Variants in PPFIA2 observed in about 807,000 individuals in gnomAD.
The protein encoded by PPFIA2 is liprin-alpha-2.
In PPFIA2, 46 loss-of-function variants were observed where a neutral mutation model predicts 175.5. The ratio of observed to expected loss-of-function variants is 0.26; its 90% CI spans 0.21 to 0.34. PPFIA2 has a LOEUF of 0.34. Ranked by LOEUF, PPFIA2 falls within the 10% of genes least tolerant of loss-of-function variation. PPFIA2 has a pLI of 1.00. For synonymous variants in PPFIA2, 568 were observed against 511.4 expected, an observed-to-expected ratio of 1.11 and a Z score of -1.49; for missense variants, 1,179 against 1,506.1, an observed-to-expected ratio of 0.78 and a Z score of 3.60.
chr12:81,457,041 T>C (rs2145770809), intron 5 of PPFIA2, among the ~76,000 whole-genome samples: 1 of 152,124 alleles, frequency 6.6e-6, no homozygotes, highest in East Asian at 1.9e-4. Flanking sequence ...AGTCTCACTC[T>C]GTTGCCCAGG....
At chr12:81,353,421 C>A in intron 16 of PPFIA2, 82 bp from the exon 17 acceptor site, 2 of 979,526 alleles carry the variant, frequency 2.0e-6, no homozygotes, top group Non-Finnish European at 3.2e-6. Context: ...GCAACAACAA[C>A]AGGCATGCTT....
intron 8 of PPFIA2, among the ~76,000 whole-genome samples, chr12:81,403,164 C>A (rs1226577213): frequency 6.6e-6 from 1 of 151,986 alleles, no homozygotes; most frequent in Non-Finnish European, 1.5e-5. Context: ...TTAGTTACAC[C>A]AACACAAGAA....
chr12:81,651,091 T>C (rs1375000673), intron 4 of PPFIA2, among the ~76,000 whole-genome samples: 1 of 152,194 alleles, frequency 6.6e-6, no homozygotes, highest in African/African-American at 2.4e-5. Flanking sequence ...GTAGGAGATA[T>C]AATGTACTAA....
At chr12:81,262,716 T>C (rs2036015859) in intron 31 of PPFIA2, among the ~76,000 whole-genome samples, 1 of 152,218 alleles carries the variant, frequency 6.6e-6, no homozygotes, top group African/African-American at 2.4e-5. Flanking sequence ...ATTACTGTGT[T>C]TTGTGTTTCT....
intron 3 of PPFIA2, among the ~76,000 whole-genome samples, chr12:81,696,036 C>T (rs2075856041): frequency 6.6e-6 from 1 of 152,258 alleles, no homozygotes; most frequent in East Asian, 1.9e-4. Context: ...GGTATTAATA[C>T]AAGAGCTTTA....
At chr12:81,470,893 C>A (rs1457293034) in intron 4 of PPFIA2, among the ~76,000 whole-genome samples, 1 of 152,066 alleles carries the variant, frequency 6.6e-6, no homozygotes, top group Admixed American at 6.6e-5. Context: ...ACCCATTGAA[C>A]AACAGCTACC....
At chr12:81,639,331 C>T (rs7131730) in intron 4 of PPFIA2, among the ~76,000 whole-genome samples, 1 of 151,758 alleles carries the variant, frequency 6.6e-6, no homozygotes, top group African/African-American at 2.4e-5. Flanking sequence ...GCAAGAAAAA[C>T]AACATTTAGC....
At chr12:81,473,543 C>T (rs187083924) in intron 4 of PPFIA2, among the ~76,000 whole-genome samples, 3 of 152,290 alleles carry the variant, frequency 2.0e-5, no homozygotes, top group Admixed American at 1.3e-4. Flanking sequence ...ACACTCTGTA[C>T]TCCTTCGCCT....
At chr12:81,602,755 C>G (rs1057093801) in intron 4 of PPFIA2, among the ~76,000 whole-genome samples, 1 of 151,736 alleles carries the variant, frequency 6.6e-6, no homozygotes, top group African/African-American at 2.4e-5. Context: ...AACATACACT[C>G]TGAAAGAGAA....
At chr12:81,399,618 C>G (rs2041796044) in intron 8 of PPFIA2, among the ~76,000 whole-genome samples, 1 of 152,090 alleles carries the variant, frequency 6.6e-6, no homozygotes, top group Non-Finnish European at 1.5e-5. Flanking sequence ...AAGATCCTAA[C>G]CTTACTCTTT....
intron 22 of PPFIA2, among the ~76,000 whole-genome samples, chr12:81,322,575 T>G (rs1056000509): frequency 6.6e-6 from 1 of 152,190 alleles, no homozygotes; most frequent in African/African-American, 2.4e-5. Flanking sequence ...AAGCTGAGTT[T>G]TAGTTTGACA....
intron 4 of PPFIA2, among the ~76,000 whole-genome samples, chr12:81,513,339 T>C (rs1381839574): frequency 6.6e-6 from 1 of 152,050 alleles, no homozygotes; most frequent in Non-Finnish European, 1.5e-5. Context: ...GAAAACAGTA[T>C]GGAAATTCCA....
chr12:81,556,851 G>A (rs1172417735), intron 4 of PPFIA2, among the ~76,000 whole-genome samples: 5 of 151,994 alleles, frequency 3.3e-5, no homozygotes, highest in African/African-American at 9.6e-5. Context: ...AGATGTACAT[G>A]AGGACTGCAC....
intron 14 of PPFIA2, among the ~76,000 whole-genome samples, chr12:81,366,623 G>A (rs1346244875): frequency 2.0e-5 from 3 of 151,662 alleles, no homozygotes; most frequent in Non-Finnish European, 2.9e-5. Context: ...TAAGGGCTGT[G>A]TTCTCTCTCC....
At chr12:81,707,306 A>G (rs1295794418) in intron 3 of PPFIA2, among the ~76,000 whole-genome samples, 1 of 152,014 alleles carries the variant, frequency 6.6e-6, no homozygotes, top group East Asian at 1.9e-4. Flanking sequence ...ATCTACAATG[A>G]ACTCAAACAA....
chr12:81,651,884 T>C (rs1457348995), intron 4 of PPFIA2, among the ~76,000 whole-genome samples: 1 of 152,086 alleles, frequency 6.6e-6, no homozygotes, highest in Non-Finnish European at 1.5e-5. Flanking sequence ...CTTTTGAAGA[T>C]AGCATCCCCT....
chr12:81,634,540 A>G (rs1349388135), intron 4 of PPFIA2, among the ~76,000 whole-genome samples: 2 of 152,042 alleles, frequency 1.3e-5, no homozygotes, highest in Non-Finnish European at 2.9e-5. Flanking sequence ...TGTCTTAAAC[A>G]TGAATTTTGT....
intron 24 of PPFIA2, among the ~76,000 whole-genome samples, chr12:81,287,270 T>A (rs1288929285): frequency 2.6e-5 from 4 of 151,976 alleles, no homozygotes; most frequent in Non-Finnish European, 5.9e-5. Context: ...AATGAAGATC[T>A]CATTACTTCT....
At chr12:81,302,016 A>G (rs1483729665) in intron 22 of PPFIA2, among the ~76,000 whole-genome samples, 2 of 152,152 alleles carry the variant, frequency 1.3e-5, no homozygotes, top group African/African-American at 4.8e-5. Flanking sequence ...CTGTTCAGAG[A>G]TGAATTTGAA....
Sources: gnomAD v4.1 joint callset for allele counts (sites outside exome capture counted in the v4.1 genomes callset) on GRCh38, gnomAD v4.1.1 for gene constraint, MANE v1.5 for transcripts, NCBI Gene and HGNC (gene_info 2026-07-23, HGNC 2026-07-21) for gene names.